The following IFT56 variants were observed in gnomAD, a reference collection of about 807,000 sequenced individuals.
IFT56 encodes intraflagellar transport 56.
chr7:139,184,023 C>T, the IFT56 span, among the ~76,000 whole-genome samples: 1 of 152,176 alleles, frequency 6.6e-6, no homozygotes, highest in Non-Finnish European at 1.5e-5. Flanking sequence ...CCTGCCTCTT[C>T]CCGTTGTGCC....
At chr7:139,162,921 TGCAC>T in the IFT56 span, among the ~76,000 whole-genome samples, 1 of 150,620 alleles carries the variant, frequency 6.6e-6, no homozygotes, top group African/African-American at 2.4e-5. Context: ...ATTGCACCAC[TGCAC>T]TCCAGCCTGG....
chr7:139,157,231 C>T, the IFT56 span, among the ~76,000 whole-genome samples: 5 of 139,900 alleles, frequency 3.6e-5, no homozygotes, highest in Admixed American at 3.8e-4. Context: ...ACTGCAACCT[C>T]CACCTCTTGG....
the IFT56 span, chr7:139,169,413 G>A: frequency 3.3e-5 from 48 of 1,476,428 alleles, no homozygotes; most frequent in East Asian, 9.1e-5. Flanking sequence ...TATATTGACC[G>A]TGAAGTTTGA....
chr7:139,165,709 C>A, the IFT56 span, among the ~76,000 whole-genome samples: 1 of 152,092 alleles, frequency 6.6e-6, no homozygotes, highest in East Asian at 1.9e-4. Flanking sequence ...ATATTTATTG[C>A]CCCTAAGTAA....
the IFT56 span, among the ~76,000 whole-genome samples, chr7:139,151,098 G>C: frequency 6.6e-6 from 1 of 152,196 alleles, no homozygotes; most frequent in Non-Finnish European, 1.5e-5. Flanking sequence ...TTAAAAGTAT[G>C]ACTGACAAAT....
At chr7:139,173,481 G>A in the IFT56 span, 13 of 685,112 alleles carry the variant, frequency 1.9e-5, no homozygotes, top group East Asian at 7.8e-5. Flanking sequence ...CACTCACCTC[G>A]GCCTCCCAAA....
chr7:139,189,638 A>T, the IFT56 span: 1 of 376,316 alleles, frequency 2.7e-6, no homozygotes, highest in Non-Finnish European at 4.9e-6. Flanking sequence ...GTATGATCCT[A>T]GTAGCAATAA....
the IFT56 span, among the ~76,000 whole-genome samples, chr7:139,159,808 T>TA: frequency 6.6e-6 from 1 of 152,194 alleles, no homozygotes; most frequent in Non-Finnish European, 1.5e-5. Context: ...TTTTAAACTT[T>TA]AAAAAAATTT....
the IFT56 span, chr7:139,178,530 G>T: frequency 1.2e-6 from 2 of 1,614,054 alleles, no homozygotes; most frequent in South Asian, 2.2e-5. Context: ...CTTCTATAAT[G>T]ATGACATCTT....
chr7:139,151,673 C>G, the IFT56 span, among the ~76,000 whole-genome samples: 1 of 152,214 alleles, frequency 6.6e-6, no homozygotes, highest in Non-Finnish European at 1.5e-5. Flanking sequence ...AGTAAACTCT[C>G]AGTAAATATT....
the IFT56 span, chr7:139,148,224 T>G: frequency 6.2e-7 from 1 of 1,612,340 alleles, no homozygotes; most frequent in Non-Finnish European, 8.5e-7. Flanking sequence ...TTGCCCTTAA[T>G]GTTTATGTGG....
At chr7:139,183,070 C>A in the IFT56 span, among the ~76,000 whole-genome samples, 5 of 151,848 alleles carry the variant, frequency 3.3e-5, no homozygotes, top group Non-Finnish European at 7.4e-5. Flanking sequence ...GTGGAGAGTT[C>A]TTTTAGAATG....
At chr7:139,138,367 C>T in the IFT56 span, among the ~76,000 whole-genome samples, 2 of 152,026 alleles carry the variant, frequency 1.3e-5, no homozygotes, top group Non-Finnish European at 2.9e-5. Context: ...CTTATTGTGC[C>T]TAACTTATAA....
At chr7:139,145,757 T>C in the IFT56 span, among the ~76,000 whole-genome samples, 2 of 152,148 alleles carry the variant, frequency 1.3e-5, no homozygotes, top group Non-Finnish European at 2.9e-5. Context: ...ATTTTCTAGA[T>C]GTTCTTGGTG....
chr7:139,150,565 T>C, the IFT56 span, among the ~76,000 whole-genome samples: 1 of 152,210 alleles, frequency 6.6e-6, no homozygotes, highest in Non-Finnish European at 1.5e-5. Flanking sequence ...GATTTTATAA[T>C]GTACTCCAGC....
chr7:139,156,028 T>A, the IFT56 span, among the ~76,000 whole-genome samples: 3 of 152,182 alleles, frequency 2.0e-5, no homozygotes, highest in Non-Finnish European at 4.4e-5. Flanking sequence ...TGCACATCCA[T>A]CCATGTTGTA....
At chr7:139,158,530 G>GTA in the IFT56 span, among the ~76,000 whole-genome samples, 1 of 152,084 alleles carries the variant, frequency 6.6e-6, no homozygotes, top group African/African-American at 2.4e-5. Flanking sequence ...AGATGTTGAA[G>GTA]TATAGCATGT....
the IFT56 span, chr7:139,178,223 C>T: frequency 6.2e-7 from 1 of 1,613,386 alleles, no homozygotes; most frequent in Non-Finnish European, 8.5e-7. Flanking sequence ...GATACAATAC[C>T]AGGGAGGCAG....
the IFT56 span, among the ~76,000 whole-genome samples, chr7:139,183,757 T>C: frequency 6.6e-6 from 1 of 152,034 alleles, no homozygotes; most frequent in Non-Finnish European, 1.5e-5. Flanking sequence ...ATTGCATTCC[T>C]GTGTATTTAT....
Sources: allele counts gnomAD v4.1 joint callset (sites outside exome capture counted in the v4.1 genomes callset), GRCh38; gene constraint gnomAD v4.1.1; transcripts MANE v1.5; gene names NCBI Gene and HGNC (gene_info 2026-07-23, HGNC 2026-07-21).